Variants in EEF1AKMT1 observed in about 807,000 individuals in gnomAD.
EEF1AKMT1 encodes N-6 adenine-specific DNA methyltransferase 2 (putative).
A neutral mutation model predicts 21.0 loss-of-function variants in EEF1AKMT1; 18 were observed. The ratio of observed to expected loss-of-function variants is 0.86; its 90% confidence interval spans 0.59 to 1.27. The LOEUF (loss-of-function observed/expected upper bound fraction) is 1.27, where lower values mean the gene tolerates loss of function less well. Ranked by LOEUF, EEF1AKMT1 falls within the 50% of genes most tolerant of loss-of-function variation. The pLI is 0.00. For synonymous variants in EEF1AKMT1, 109 were observed against 94.8 expected (o/e 1.15, Z -0.87); for missense variants, 246 against 258.6 (o/e 0.95, Z 0.33).
At chr13:20,734,572 ATTTTATTAT>A (rs2058815545) in intron 3 of EEF1AKMT1, among the ~76,000 whole-genome samples, 1 of 122,316 alleles carries the variant, frequency 8.2e-6, no homozygotes, top group Non-Finnish European at 1.7e-5. Context: ...ATTCATCTTT[ATTTTATTAT>A]TTATTTATTT....
intron 1 of EEF1AKMT1, among the ~76,000 whole-genome samples, chr13:20,767,955 C>A (rs2059044467): frequency 6.6e-6 from 1 of 152,212 alleles, no homozygotes; most frequent in Non-Finnish European, 1.5e-5. Flanking sequence ...GACATTTCAT[C>A]TCAGACCTAT....
At chr13:20,729,325 A>G (rs2058778169) in intron 4 of EEF1AKMT1, 109 bp from the exon 5 acceptor site, 62 of 1,279,220 alleles carry the variant, frequency 4.8e-5, no homozygotes, top group Non-Finnish European at 6.5e-5. Flanking sequence ...CAATTAGTTG[A>G]CAATTCACAA....
At chr13:20,762,413 T>C (rs1004128696) in intron 1 of EEF1AKMT1, among the ~76,000 whole-genome samples, 3 of 151,854 alleles carry the variant, frequency 2.0e-5, no homozygotes, top group Admixed American at 2.0e-4. Context: ...AGTTTCGAAC[T>C]CCTAACCTCA....
intron 3 of EEF1AKMT1, among the ~76,000 whole-genome samples, chr13:20,736,133 A>C (rs1022121513): frequency 1.3e-5 from 2 of 152,236 alleles, no homozygotes; most frequent in African/African-American, 2.4e-5. Flanking sequence ...AGGACAATAG[A>C]TAAAAACTCC....
intron 2 of EEF1AKMT1, among the ~76,000 whole-genome samples, chr13:20,743,653 C>A (rs995924675): frequency 8.4e-5 from 12 of 143,536 alleles, no homozygotes; most frequent in African/African-American, 3.1e-4. Flanking sequence ...TACACTTGAC[C>A]TTGTGCTTTT....
chr13:20,739,291 T>C (rs777397293), intron 2 of EEF1AKMT1, among the ~76,000 whole-genome samples: 4 of 152,134 alleles, frequency 2.6e-5, no homozygotes, highest in Admixed American at 6.5e-5. Flanking sequence ...AGCAGTAACA[T>C]TTATTGTGAG....
chr13:20,741,099 C>T (rs2058867911), intron 2 of EEF1AKMT1, among the ~76,000 whole-genome samples: 1 of 151,982 alleles, frequency 6.6e-6, no homozygotes, highest in African/African-American at 2.4e-5. Context: ...GAGATTCAGC[C>T]TGGAGGTGAG....
rs139294443 is a variant in EEF1AKMT1 at position 20,771,488 on chromosome 13, T to G, written c.-20+2433A>C. Among the ~76,000 whole-genome samples, 352 of 152,260 alleles carry G rather than the reference T, an allele frequency of 2.3e-3. 3 individuals carry two copies. Among genetic ancestry groups the G allele is most frequent in the African/African-American group, 8.1e-3 (338 of 41,556 alleles). ...CTGTTCTTGGTGATGAGTCTCAAAGTCCTTATTCTCTTGGAGCTTACATTC... is the reference window on the plus strand; with the variant it reads ...CTGTTCTTGGTGATGAGTCTCAAAGGCCTTATTCTCTTGGAGCTTACATTC... On this transcript the variant is annotated intron_variant, in intron 1 of 4. Transcript: ENST00000382758.
At chr13:20,738,923 A>T (rs1182648716) in intron 2 of EEF1AKMT1, among the ~76,000 whole-genome samples, 1 of 152,206 alleles carries the variant, frequency 6.6e-6, no homozygotes, top group Non-Finnish European at 1.5e-5. Flanking sequence ...TGTGTCCGGA[A>T]TTGGTGGGTT....
intron 2 of EEF1AKMT1, among the ~76,000 whole-genome samples, chr13:20,750,572 T>C (rs2058934955): frequency 6.6e-6 from 1 of 152,220 alleles, no homozygotes; most frequent in Non-Finnish European, 1.5e-5. Flanking sequence ...ATACACCACA[T>C]TTTCTTTATC....
At chr13:20,752,280 G>C (rs1244550626) in intron 2 of EEF1AKMT1, among the ~76,000 whole-genome samples, 2 of 152,020 alleles carry the variant, frequency 1.3e-5, no homozygotes, top group Non-Finnish European at 2.9e-5. Context: ...GTTAGCTGTG[G>C]GTTTATCATA....
At chr13:20,754,506 T>C (rs2058960416) in intron 2 of EEF1AKMT1, among the ~76,000 whole-genome samples, 1 of 152,210 alleles carries the variant, frequency 6.6e-6, no homozygotes, top group Non-Finnish European at 1.5e-5. Flanking sequence ...CTAAGCTTCC[T>C]GTATCTGGAT....
At chr13:20,737,616 A>C (rs1488048856) in intron 3 of EEF1AKMT1, 107 bp downstream of exon 3, 2 of 937,820 alleles carry the variant, frequency 2.1e-6, no homozygotes, top group African/African-American at 1.6e-5. Context: ...ACCATGATCT[A>C]CAATATTTAC....
chr13:20,750,122 T>C (rs548356462), intron 2 of EEF1AKMT1, among the ~76,000 whole-genome samples: 10 of 152,342 alleles, frequency 6.6e-5, no homozygotes, highest in African/African-American at 2.2e-4. Flanking sequence ...GATATTTTGT[T>C]ACATGCACAG....
At chr13:20,741,542 C>T (rs189680091) in intron 2 of EEF1AKMT1, among the ~76,000 whole-genome samples, 2 of 150,460 alleles carry the variant, frequency 1.3e-5, no homozygotes, top group African/African-American at 4.9e-5. Flanking sequence ...CTGCAACCTC[C>T]ATCTCCCGGA....
intron 3 of EEF1AKMT1, among the ~76,000 whole-genome samples, chr13:20,735,595 G>T (rs1294650327): frequency 6.6e-6 from 1 of 152,168 alleles, no homozygotes; most frequent in Non-Finnish European, 1.5e-5. Context: ...AGACACGGGG[G>T]TTCCCTAGGA....
At chr13:20,770,577 G>C (rs2059057707) in intron 1 of EEF1AKMT1, among the ~76,000 whole-genome samples, 1 of 152,136 alleles carries the variant, frequency 6.6e-6, no homozygotes, top group African/African-American at 2.4e-5. Flanking sequence ...CCAAAGATTA[G>C]CTTGTGTGCA....
intron 1 of EEF1AKMT1, among the ~76,000 whole-genome samples, chr13:20,764,698 T>C (rs2059018174): frequency 6.6e-6 from 1 of 152,180 alleles, no homozygotes; most frequent in Non-Finnish European, 1.5e-5. Flanking sequence ...GTTTGGTGCG[T>C]ACATACTTAG....
At chr13:20,756,035 G>A (rs1010896630) in intron 2 of EEF1AKMT1, among the ~76,000 whole-genome samples, 2 of 152,062 alleles carry the variant, frequency 1.3e-5, no homozygotes, top group Non-Finnish European at 2.9e-5. Context: ...TAGAATAAGT[G>A]GAACATGTGG....
Sources: allele counts gnomAD v4.1 joint callset (sites outside exome capture counted in the v4.1 genomes callset), GRCh38; gene constraint gnomAD v4.1.1; transcripts MANE v1.5; gene names NCBI Gene and HGNC (gene_info 2026-07-23, HGNC 2026-07-21).